CNTNAP2: variants seen among roughly 807,000 people sequenced by gnomAD.
CNTNAP2 encodes the protein contactin associated protein 2.
A neutral mutation model predicts 155.2 loss-of-function variants in CNTNAP2; 98 were observed. That is an observed-to-expected ratio of 0.63 (90% confidence interval 0.54 to 0.75). The LOEUF (loss-of-function observed/expected upper bound fraction) is 0.75, where lower values mean the gene tolerates loss of function less well. Among genes scored for constraint, CNTNAP2 ranks in the 30% least tolerant of loss-of-function variants. The probability of loss-of-function intolerance (pLI) is 0.00; values close to 1 mark genes in which losing one functional copy is unlikely to be tolerated. For synonymous variants in CNTNAP2, 651 were observed against 631.2 expected, an observed-to-expected ratio of 1.03 and a Z score of -0.47; for missense variants, 1,727 against 1,688.1, an observed-to-expected ratio of 1.02 and a Z score of -0.40.
At chr7:146,790,640 G>C (rs1802653999) in intron 2 of CNTNAP2, among the ~76,000 whole-genome samples, 1 of 150,242 alleles carries the variant, frequency 6.7e-6, no homozygotes, top group Non-Finnish European at 1.5e-5. Context: ...CGCGATCTCA[G>C]CTCACTGCAA....
At chr7:146,982,419 A>G (rs146798848) in intron 3 of CNTNAP2, among the ~76,000 whole-genome samples, 5 of 152,290 alleles carry the variant, frequency 3.3e-5, no homozygotes, top group African/African-American at 1.2e-4. Flanking sequence ...GAATGAAGCT[A>G]TAGGAAATTA....
At chr7:146,542,453 T>C (rs2693406) in intron 1 of CNTNAP2, among the ~76,000 whole-genome samples, 23,154 of 151,888 alleles carry the variant, frequency 0.15, 2,877 homozygotes, top group African/African-American at 0.34. Context: ...GCAGAAACCA[T>C]CTAGACTTGT....
At chr7:146,769,419 A>G (rs978838406) in intron 1 of CNTNAP2, among the ~76,000 whole-genome samples, 1 of 152,236 alleles carries the variant, frequency 6.6e-6, no homozygotes, top group Non-Finnish European at 1.5e-5. Context: ...TTTAGAATGC[A>G]TAATGAGTGA....
intron 15 of CNTNAP2, among the ~76,000 whole-genome samples, chr7:148,117,853 A>T (rs558158384): frequency 6.7e-6 from 1 of 150,146 alleles, no homozygotes; most frequent in Non-Finnish European, 1.5e-5. Flanking sequence ...TAGAAATTCT[A>T]TATTAATATT....
Position 146,502,233 on chromosome 7 carries a change from A to ATATATATATATATATGAATATATATGTG in CNTNAP2, c.98-272023_98-272022insGAATATATATGTGTATATATATATATAT, listed in dbSNP as rs1563109638. Among the ~76,000 whole-genome samples the ATATATATATATATATGAATATATATGTG allele has an allele frequency of 8.4e-4, 46 of 54,476 alleles. 1 individual carries two copies. The highest frequency in any genetic ancestry group is 3.6e-3 in the African/African-American group (40 of 11,134). 35.7% of individuals were successfully genotyped at this position (54,476 alleles called of 152,430 possible). ...TGTGTGTATATATATGAATATATAT[A>ATATATATATATATATGAATATATATGTG]TATATATATATATATATATATATAT... On this transcript the variant is annotated intron_variant, in intron 1 of 23. Coordinates refer to ENST00000361727, the MANE Select transcript of CNTNAP2 (RefSeq NM_014141.6).
intron 13 of CNTNAP2, among the ~76,000 whole-genome samples, chr7:147,647,983 G>C (rs968399854): frequency 1.3e-5 from 2 of 152,170 alleles, no homozygotes; most frequent in Admixed American, 6.5e-5. Context: ...TTTCATGTCA[G>C]TGGAGTTTGG....
chr7:147,570,598 A>C (rs1800269774), intron 12 of CNTNAP2, among the ~76,000 whole-genome samples: 1 of 152,210 alleles, frequency 6.6e-6, no homozygotes, highest in Non-Finnish European at 1.5e-5. Context: ...AATTGAGGGC[A>C]AACTAAATGC....
chr7:146,155,428 C>T (rs1224825309), intron 1 of CNTNAP2, among the ~76,000 whole-genome samples: 5 of 151,986 alleles, frequency 3.3e-5, no homozygotes, highest in Non-Finnish European at 5.9e-5. Flanking sequence ...ATCTTTTGGC[C>T]TCTCATACAA....
chr7:148,023,689 T>C (rs1439286467), intron 15 of CNTNAP2, among the ~76,000 whole-genome samples: 1 of 152,214 alleles, frequency 6.6e-6, no homozygotes, highest in East Asian at 1.9e-4. Flanking sequence ...TTAAACTTAC[T>C]GATTTGTGGC....
At chr7:147,674,960 T>C (rs1274325456) in intron 13 of CNTNAP2, among the ~76,000 whole-genome samples, 1 of 152,096 alleles carries the variant, frequency 6.6e-6, no homozygotes, top group Non-Finnish European at 1.5e-5. Flanking sequence ...TCTTCATTCA[T>C]GGATGTGTTA....
intron 1 of CNTNAP2, among the ~76,000 whole-genome samples, chr7:146,550,399 C>CTTTTTTTTTTT (rs1584977002): frequency 1.3e-4 from 4 of 31,552 alleles, no homozygotes; most frequent in African/African-American, 8.7e-4. Flanking sequence ...GTCCATTAAT[C>CTTTTTTTTTTT]TGTTTTTTTT....
intron 14 of CNTNAP2, among the ~76,000 whole-genome samples, chr7:147,906,465 G>T (rs1799959617): frequency 6.6e-6 from 1 of 151,862 alleles, no homozygotes; most frequent in Non-Finnish European, 1.5e-5. Flanking sequence ...ACCATGCCTG[G>T]CCAAGATAGA....
At chr7:147,068,360 T>A (rs1387777973) in intron 4 of CNTNAP2, among the ~76,000 whole-genome samples, 1 of 151,634 alleles carries the variant, frequency 6.6e-6, no homozygotes. Flanking sequence ...TATTTATTTG[T>A]TTGTTTGTTT....
intron 8 of CNTNAP2, among the ~76,000 whole-genome samples, chr7:147,268,539 T>A (rs1804668892): frequency 6.6e-6 from 1 of 152,084 alleles, no homozygotes. Flanking sequence ...AGGGATCGCG[T>A]AAGGAGAAAT....
At chr7:147,028,491 A>G (rs1035159467) in intron 3 of CNTNAP2, among the ~76,000 whole-genome samples, 2 of 152,192 alleles carry the variant, frequency 1.3e-5, no homozygotes, top group African/African-American at 4.8e-5. Context: ...ATGTTAAGGA[A>G]TACAGGGGCA....
At chr7:147,128,510 T>C (rs958628612) in intron 6 of CNTNAP2, among the ~76,000 whole-genome samples, 183 bp from the exon 7 acceptor site, 11 of 152,214 alleles carry the variant, frequency 7.2e-5, no homozygotes, top group African/African-American at 2.7e-4. Context: ...TCAGAATGAA[T>C]GACTCCATTA....
chr7:148,341,188 G>GT (rs1379003033), intron 21 of CNTNAP2, among the ~76,000 whole-genome samples: 4 of 152,132 alleles, frequency 2.6e-5, no homozygotes, highest in African/African-American at 9.7e-5. Context: ...TACTGTAATG[G>GT]TACTGTGCCT....
At chr7:147,354,817 A>G (rs531267882) in intron 9 of CNTNAP2, among the ~76,000 whole-genome samples, 2 of 152,168 alleles carry the variant, frequency 1.3e-5, no homozygotes, top group African/African-American at 4.8e-5. Context: ...TTCCTTGAGC[A>G]GTGGTTTGTA....
In CNTNAP2 at chr7:146,763,772, C is replaced by A. The variant is rs187376232; in HGVS notation, c.98-10499C>A. Among the ~76,000 whole-genome samples the A allele has an allele frequency of 3.5e-3, 539 of 152,238 alleles. 1 individual carries two copies. The highest frequency in any genetic ancestry group is 0.011 in the Admixed American group (163 of 15,284). On this transcript the variant is annotated intron_variant, in intron 1 of 23. Coordinates refer to ENST00000361727, the MANE Select transcript of CNTNAP2 (RefSeq NM_014141.6). ...AATATCTATTTCATAAAATGAAGAT[C>A]ATATTATAAATACTGTTTTATAGAC...
Sources: gnomAD v4.1 joint callset for allele counts (sites outside exome capture counted in the v4.1 genomes callset) on GRCh38, gnomAD v4.1.1 for gene constraint, MANE v1.5 for transcripts, NCBI Gene and HGNC (gene_info 2026-07-23, HGNC 2026-07-21) for gene names.